The following PANK4 variants were observed in gnomAD, a reference collection of about 807,000 sequenced individuals.
The protein encoded by PANK4 is 4'-phosphopantetheine phosphatase.
A neutral mutation model predicts 87.9 loss-of-function variants in PANK4; 40 were observed. The ratio of observed to expected loss-of-function variants is 0.46; its 90% CI spans 0.35 to 0.59. The LOEUF (loss-of-function observed/expected upper bound fraction) is 0.59. Ranked by LOEUF, PANK4 falls within the 20% of genes least tolerant of loss-of-function variation. The pLI, the probability that PANK4 is intolerant of heterozygous loss-of-function variation, is 0.00. For synonymous variants in PANK4, 524 were observed against 467.4 expected (o/e 1.12, Z -1.56); for missense variants, 926 against 1,072.3 (o/e 0.86, Z 1.90).
At chr1:2,516,085 T>A in intron 9 of PANK4, 1 of 325,474 alleles carries the variant, frequency 3.1e-6, no homozygotes, top group South Asian at 3.5e-5. Context: ...CAGTCACCCC[T>A]CCCTGTCACC....
chr1:2,517,191 C>A (rs1643796417), intron 9 of PANK4, among the ~76,000 whole-genome samples: 1 of 152,230 alleles, frequency 6.6e-6, no homozygotes, highest in Non-Finnish European at 1.5e-5. Flanking sequence ...AGCCTCGCCC[C>A]CACTCCCCTG....
chr1:2,515,209 C>A lies in PANK4; in HGVS notation c.1374+353G>T. On this transcript the variant is annotated intron_variant, in intron 10 of 18. Coordinates refer to ENST00000378466, the MANE Select transcript of PANK4 (RefSeq NM_018216.4). This position sits in a 1 kb window ranked among gnomAD's most constrained non-coding sequence, Gnocchi z 5.0. ...GAGCTTGCTGGGGCTGAGTCTCACC[C>A]CACCCCCAGAGTCAGGGTCCCACAA... 2.2e-6 allele frequency: 1 copy of A among 453,592 alleles called. No individual in the cohort carries two copies. Among genetic ancestry groups the A allele is most frequent in the South Asian group, 1.7e-5 (1 of 58,178 alleles). 28.1% of individuals were successfully genotyped at this position (453,592 alleles called of 1,614,324 possible).
Position 2,510,868 on chromosome 1 carries a change from T to C in PANK4, c.1834-86A>G. 1 of 818,274 alleles carries C rather than the reference T, an allele frequency of 1.2e-6. No homozygotes were observed. Among genetic ancestry groups the C allele is most frequent in the Non-Finnish European group, 2.1e-6 (1 of 472,022 alleles). The allele number at this position is 818,274 out of a possible 1,614,324, so 50.7% of individuals were successfully genotyped here. A position where few individuals can be genotyped will look rare whatever the true frequency, so the allele number is the denominator to read the frequency against. ...ACCCCTGCTGCCCGTCACGCTGCCC[T>C]GCAGGGGCCGAGACTGGGGGCTTCA... On this transcript the variant is annotated intron_variant, in intron 15 of 18. Coordinates refer to ENST00000378466, the MANE Select transcript of PANK4 (RefSeq NM_018216.4). The surrounding 1 kb of genome is among the most constrained non-coding windows in gnomAD (Gnocchi z 4.9).
At position 2,510,420 on chromosome 1, in the gene PANK4, C is replaced by T; in HGVS notation, c.1938+258G>A. The T allele has an allele frequency of 6.7e-6, 4 of 597,814 alleles. No individual in the cohort carries two copies. Among genetic ancestry groups the T allele is most frequent in the Non-Finnish European group, 1.2e-5 (4 of 335,760 alleles). The allele number at this position is 597,814 out of a possible 1,614,324, so 37.0% of individuals were successfully genotyped here. On this transcript the variant is annotated intron_variant, in intron 16 of 18. Coordinates refer to ENST00000378466, the MANE Select transcript of PANK4 (RefSeq NM_018216.4). The surrounding 1 kb of genome is among the most constrained non-coding windows in gnomAD (Gnocchi z 4.9). ...CTGTGAAGTCACAGCCCCAAAGCCTCCTTGCTGTGAGCACCCTTCCAGGAG... is the reference window on the plus strand; with the variant it reads ...CTGTGAAGTCACAGCCCCAAAGCCTTCTTGCTGTGAGCACCCTTCCAGGAG...
Position 2,519,773 on chromosome 1 carries a change from C to T in PANK4, c.853+28G>A. On this transcript the variant is annotated intron_variant, in intron 6 of 18. Coordinates refer to ENST00000378466, the MANE Select transcript of PANK4 (RefSeq NM_018216.4). The surrounding 1 kb of genome is among the most constrained non-coding windows in gnomAD (Gnocchi z 8.3). ...CCCCAAGTGTCCCCACCATCCTGCT[C>T]TCTGGCGGCAGAGGCCGGGGTGAGC... 1 of 1,549,082 alleles carries T rather than the reference C, an allele frequency of 6.5e-7. No homozygotes were observed. Among genetic ancestry groups the T allele is most frequent in the Non-Finnish European group, 8.7e-7 (1 of 1,147,818 alleles).
intron 9 of PANK4, 47 bp downstream of exon 9, chr1:2,518,117 A>G (rs1441507689): frequency 1.6e-6 from 2 of 1,228,856 alleles, no homozygotes; most frequent in Non-Finnish European, 2.3e-6. Flanking sequence ...TGAGTGCGGC[A>G]TAGGCTGCTC....
chr1:2,526,277 A>G (rs547824808), intron 1 of PANK4, 187 bp downstream of exon 1: 2 of 180,752 alleles, frequency 1.1e-5, no homozygotes, highest in South Asian at 1.8e-4. Flanking sequence ...GAGCCCGCGC[A>G]TCAGCGACCC....
In PANK4 at chr1:2,519,137, C is replaced by T. The variant is rs372270356; in HGVS notation, c.1035+6G>A. 5.5e-5 allele frequency: 88 copies of T among 1,609,640 alleles called. No individual in the cohort carries two copies. The highest frequency in any genetic ancestry group is 4.9e-4 in the Middle Eastern group (3 of 6,062). On this transcript the variant is annotated splice_donor_region_variant and intron_variant, in intron 7 of 18. Coordinates refer to ENST00000378466, the MANE Select transcript of PANK4 (RefSeq NM_018216.4). The surrounding 1 kb of genome is among the most constrained non-coding windows in gnomAD (Gnocchi z 8.3). ...TAGAGGCTGGGGAGGGCGGCGCATC[C>T]GTTACCTTGGAGAAGAAGTTGATGC...
chr1:2,519,187 C>G lies in PANK4; in HGVS notation c.991G>C (p.Val331Leu). 6.2e-7 allele frequency: 1 copy of G among 1,612,726 alleles called. No individual in the cohort carries two copies. Among genetic ancestry groups the G allele is most frequent in the Non-Finnish European group, 8.5e-7 (1 of 1,179,936 alleles). The change falls in exon 7 of 19, where the codon GTG (valine) becomes CTG (leucine). Residue 331 changes from valine to leucine, a missense_variant. By Grantham distance (32) the Val-to-Leu change is conservative. Coordinates refer to ENST00000378466, the MANE Select transcript of PANK4 (RefSeq NM_018216.4). This position sits in a 1 kb window ranked among gnomAD's most constrained non-coding sequence, Gnocchi z 8.3. ...FGGFFIRGHP[V>L]TMRTITYSIN... ...CTATAGGTGATGGTGCGCATGGTCACGGGGTGGCCCCGGATAAAGAAGCCT... is the reference window on the plus strand; with the variant it reads ...CTATAGGTGATGGTGCGCATGGTCAGGGGGTGGCCCCGGATAAAGAAGCCT...
Position 2,521,332 on chromosome 1 carries a change from G to C in PANK4, c.208-17C>G, listed in dbSNP as rs200464349. 6.9e-6 allele frequency: 11 copies of C among 1,600,402 alleles called. No individual in the cohort carries two copies. Among genetic ancestry groups the C allele is most frequent in the Non-Finnish European group, 7.7e-6 (9 of 1,167,828 alleles). The stretch of plus-strand genomic sequence containing the variant: ...TTCTGTGTCCTGGAAAACAGAGTAG[G>C]GGAGGCCGCATGTGTGTGGGACACC... On this transcript the variant is annotated splice_polypyrimidine_tract_variant and intron_variant, in intron 2 of 18. Transcript: ENST00000378466.
At position 2,522,582 on chromosome 1, in the gene PANK4, T is replaced by TA. The variant is rs924493936; in HGVS notation, c.125-783dup. On this transcript the variant is annotated intron_variant, in intron 1 of 18. Coordinates refer to ENST00000378466, the MANE Select transcript of PANK4 (RefSeq NM_018216.4). ...TTTTCAAGGACAAATTCTTCTAAGT[T>TA]AAAAAAAAAAACAGACATTGTTGAG... Among the ~76,000 whole-genome samples, 821 of 146,874 alleles carry TA rather than the reference T, an allele frequency of 5.6e-3. 8 individuals are homozygous for TA. The highest frequency in any genetic ancestry group is 0.018 in the African/African-American group (717 of 40,246).
In PANK4 at chr1:2,520,091, G is replaced by A. The variant is rs1570546280; in HGVS notation, c.700-137C>T. 1 of 915,046 alleles carries A rather than the reference G, an allele frequency of 1.1e-6. No individual in the cohort carries two copies. The highest frequency in any genetic ancestry group is 1.7e-5 in the African/African-American group (1 of 59,926). 56.7% of individuals were successfully genotyped at this position (915,046 alleles called of 1,614,324 possible). ...CCTCATCGCGTGGGACCAAAGGCAG[G>A]AGGCGGCAAGCGGGACCCTCGGGCC... On this transcript the variant is annotated intron_variant, in intron 5 of 18. Transcript: ENST00000378466. This position sits in a 1 kb window ranked among gnomAD's most constrained non-coding sequence, Gnocchi z 6.2.
At position 2,515,868 on chromosome 1, in the gene PANK4, C is replaced by G. The variant is rs987863196; in HGVS notation, c.1219-151G>C. ...GCCACAGACGAGACCCCCACTGGGCCCCCTCAGCTGCCCGGCGGCCTGAGC... is the reference window on the plus strand; with the variant it reads ...GCCACAGACGAGACCCCCACTGGGCGCCCTCAGCTGCCCGGCGGCCTGAGC... On this transcript the variant is annotated intron_variant, in intron 9 of 18. Transcript: ENST00000378466. This position sits in a 1 kb window ranked among gnomAD's most constrained non-coding sequence, Gnocchi z 5.0. The G allele has an allele frequency of 3.7e-5, 29 of 788,002 alleles. No homozygotes were observed. The South Asian group carries it at 4.7e-4, about 13-fold the overall frequency. The allele number at this position is 788,002 out of a possible 1,614,324, so 48.8% of individuals were successfully genotyped here.
rs1216286401 is a variant in PANK4 at position 2,510,940 on chromosome 1, CA to C, written c.1834-159del. ...TGGGCTGTCCTGCAGGGGCCGAGAC[CA>C]GGGGCTTCAGGGCCCCAGAGGTGCC... On this transcript the variant is annotated intron_variant, in intron 15 of 18. Coordinates refer to ENST00000378466, the MANE Select transcript of PANK4 (RefSeq NM_018216.4). This position sits in a 1 kb window ranked among gnomAD's most constrained non-coding sequence, Gnocchi z 4.9. Among the ~76,000 whole-genome samples the C allele has an allele frequency of 1.3e-5, 2 of 151,992 alleles. No individual in the cohort carries two copies. The highest frequency in any genetic ancestry group is 4.8e-5 in the African/African-American group (2 of 41,400).
rs1192118337 is a variant in PANK4, at chr1:2,510,086, C to T, written c.2010G>A (p.Glu670=). ...CGACAGGGTCCATGCCCGCAATACG[C>T]TCTGCCACGATGAGGGACTCGCTGT... ...VTHSESLIVA[E]RIAGMDPVVH... The change falls in exon 17 of 19, where the codon GAG becomes GAA. Residue 670 remains glutamate (E), a synonymous_variant. Coordinates refer to ENST00000378466, the MANE Select transcript of PANK4 (RefSeq NM_018216.4). This position sits in a 1 kb window ranked among gnomAD's most constrained non-coding sequence, Gnocchi z 4.9. The T allele has an allele frequency of 6.2e-7, 1 of 1,611,020 alleles. No homozygotes were observed. The highest frequency in any genetic ancestry group is 1.3e-5 in the African/African-American group (1 of 74,866).
rs750123063 is a variant in PANK4, at chr1:2,513,984, A to G, written c.1575+18T>C. ...CGGGGACAAGAGCGAGCGGAAGGCC[A>G]GGGCACACTGCACTTACTTTGGAGT... On this transcript the variant is annotated intron_variant, in intron 12 of 18. Coordinates refer to ENST00000378466, the MANE Select transcript of PANK4 (RefSeq NM_018216.4). 39 of 1,578,112 alleles carry G rather than the reference A, an allele frequency of 2.5e-5. No individual in the cohort carries two copies. The South Asian group carries it at 4.1e-4, about 17-fold the overall frequency.
In PANK4 at chr1:2,511,292, C is replaced by T. The variant is rs202155285; in HGVS notation, c.1833+46G>A. On this transcript the variant is annotated intron_variant, in intron 15 of 18. Coordinates refer to ENST00000378466, the MANE Select transcript of PANK4 (RefSeq NM_018216.4). ...TCCCTCCAGTGACCACCCCCCCGGG[C>T]CCCGCTGTGTCCCCAGCAGCAGAGG... 4.6e-5 allele frequency: 65 copies of T among 1,423,742 alleles called. No homozygotes were observed. In the East Asian group the frequency reaches 7.9e-4, roughly 17 times the overall value. 88.2% of individuals were successfully genotyped at this position (1,423,742 alleles called of 1,614,324 possible).
chr1:2,512,789 T>C, intron 13 of PANK4, 99 bp downstream of exon 13: 2 of 1,244,562 alleles, frequency 1.6e-6, no homozygotes, highest in Non-Finnish European at 2.3e-6. Context: ...AAGCGCCACG[T>C]GACCCCCAAG....
chr1:2,518,630 G>T, intron 7 of PANK4, 33 bp from the exon 8 acceptor site: 2 of 1,527,202 alleles, frequency 1.3e-6, no homozygotes, highest in African/African-American at 2.7e-5. Flanking sequence ...GCTGCTGTTG[G>T]CCCCACACAA....
Sources: allele counts gnomAD v4.1 joint callset (sites outside exome capture counted in the v4.1 genomes callset), GRCh38; gene constraint gnomAD v4.1.1; non-coding constraint Gnocchi (gnomAD v3.1); transcripts MANE v1.5; gene names NCBI Gene and HGNC (gene_info 2026-07-23, HGNC 2026-07-21).